SNX29: variants seen among roughly 807,000 people sequenced by gnomAD.
SNX29 encodes sorting nexin-29.
In SNX29, 78 loss-of-function variants were observed where a neutral mutation model predicts 102.1. The ratio of observed to expected loss-of-function variants is 0.76; its 90% CI spans 0.64 to 0.92. The LOEUF is 0.92. SNX29 is among the 40% of genes least tolerant of loss of function. SNX29 has a pLI of 0.00. For synonymous variants in SNX29, 580 were observed against 414.5 expected, an observed-to-expected ratio of 1.40 and a Z score of -4.85; for missense variants, 1,280 against 1,061.7, an observed-to-expected ratio of 1.21 and a Z score of -2.86.
At chr16:12,494,831 G>A (rs1429249499) in intron 19 of SNX29, among the ~76,000 whole-genome samples, 2 of 152,200 alleles carry the variant, frequency 1.3e-5, no homozygotes, top group African/African-American at 4.8e-5. Context: ...TCCGCTGTGA[G>A]CTGGGCCGCC....
intron 19 of SNX29, among the ~76,000 whole-genome samples, chr16:12,519,618 A>G (rs2090014959): frequency 6.6e-6 from 1 of 152,256 alleles, no homozygotes; most frequent in African/African-American, 2.4e-5. Context: ...TGATGACACA[A>G]ATATGGAAAA....
At chr16:12,075,350 T>C (rs2051502369) in intron 10 of SNX29, among the ~76,000 whole-genome samples, 1 of 152,216 alleles carries the variant, frequency 6.6e-6, no homozygotes. Context: ...TTGGTGTGGA[T>C]GTCTTTTCTG....
intron 18 of SNX29, among the ~76,000 whole-genome samples, chr16:12,411,778 C>T (rs943457601): frequency 6.6e-6 from 1 of 152,162 alleles, no homozygotes; most frequent in African/African-American, 2.4e-5. Context: ...GACGGGACAC[C>T]ACTCACCTTG....
chr16:12,052,146 G>T lies in SNX29; in HGVS notation c.1048G>T (p.Val350Leu), dbSNP rs760782009. ...LDVKSIDDED[V>L]DENEDDVYGN... ...TGTGAAAAGCATCGATGATGAAGAT[G>T]TGGATGAAAACGAAGATGACGTGTA... Residue 350 changes from valine (V) to leucine (L), a missense_variant, in exon 8 of 21, where the codon GTG becomes TTG. Coordinates refer to ENST00000566228, the MANE Select transcript of SNX29 (RefSeq NM_032167.5). 6.2e-7 allele frequency: 1 copy of T among 1,613,852 alleles called. No individual in the cohort carries two copies. The highest frequency in any genetic ancestry group is 8.5e-7 in the Non-Finnish European group (1 of 1,179,880).
chr16:12,502,109 C>T (rs1269913281), intron 19 of SNX29, among the ~76,000 whole-genome samples: 1 of 152,204 alleles, frequency 6.6e-6, no homozygotes, highest in Non-Finnish European at 1.5e-5. Context: ...CCGAGCTGGG[C>T]AGGCAACATG....
chr16:12,433,500 A>G (rs2085398498), intron 18 of SNX29, among the ~76,000 whole-genome samples: 2 of 151,880 alleles, frequency 1.3e-5, no homozygotes, highest in Admixed American at 6.6e-5. Context: ...GCGTGGTGGC[A>G]TATGCCTGTA....
At chr16:12,056,012 G>T (rs936941419) in intron 8 of SNX29, among the ~76,000 whole-genome samples, 1 of 152,128 alleles carries the variant, frequency 6.6e-6, no homozygotes, top group Non-Finnish European at 1.5e-5. Flanking sequence ...CTCCAGAGTA[G>T]GTGGGACTAC....
chr16:12,029,480 G>A, intron 4 of SNX29: 1 of 448,886 alleles, frequency 2.2e-6, no homozygotes. Context: ...CAAGTAGCCA[G>A]TACAGAATAC....
intron 4 of SNX29, among the ~76,000 whole-genome samples, chr16:12,036,427 C>T (rs561547535): frequency 6.0e-5 from 9 of 150,648 alleles, no homozygotes; most frequent in East Asian, 3.9e-4. Context: ...CTCCGCCTCC[C>T]GGATTCACGC....
intron 9 of SNX29, among the ~76,000 whole-genome samples, chr16:12,066,752 TG>T (rs2051056856): frequency 1.7e-5 from 1 of 58,120 alleles, no homozygotes; most frequent in Admixed American, 2.2e-4. Flanking sequence ...GATGGTGGGG[TG>T]GGGGCTGAGG....
chr16:12,042,786 A>G (rs1567556341), intron 4 of SNX29, 111 bp from the exon 5 acceptor site: 1 of 1,093,622 alleles, frequency 9.1e-7, no homozygotes, highest in East Asian at 2.5e-5. Flanking sequence ...TTTCCATGCT[A>G]AGGGGATACT....
At chr16:12,533,357 T>C (rs2076982859) in intron 20 of SNX29, among the ~76,000 whole-genome samples, 1 of 152,208 alleles carries the variant, frequency 6.6e-6, no homozygotes, top group African/African-American at 2.4e-5. Context: ...ATAGCTTAGA[T>C]GCTAAGAGGC....
chr16:12,521,852 G>A (rs1188503555), intron 19 of SNX29, among the ~76,000 whole-genome samples: 1 of 152,218 alleles, frequency 6.6e-6, no homozygotes, highest in African/African-American at 2.4e-5. Context: ...GGACAACCTT[G>A]TCTAAATATC....
At chr16:12,198,813 T>C (rs746203716) in intron 13 of SNX29, among the ~76,000 whole-genome samples, 2 of 152,244 alleles carry the variant, frequency 1.3e-5, no homozygotes, top group Non-Finnish European at 2.9e-5. Context: ...TTCTACTGAA[T>C]GAAGCATCTT....
intron 11 of SNX29, among the ~76,000 whole-genome samples, chr16:12,117,218 C>T (rs1273689301): frequency 2.7e-5 from 4 of 145,776 alleles, no homozygotes; most frequent in African/African-American, 7.9e-5. Flanking sequence ...TGGAAACAGG[C>T]ATGGTCAATA....
At chr16:12,563,487 G>A (rs888485881) in intron 20 of SNX29, among the ~76,000 whole-genome samples, 6 of 152,206 alleles carry the variant, frequency 3.9e-5, no homozygotes, top group Non-Finnish European at 7.3e-5. Context: ...AAGGAATAGG[G>A]CTATTAAAAC....
At position 12,257,747 on chromosome 16, in the gene SNX29, C is replaced by T. The variant is rs73504167; in HGVS notation, c.1679-20186C>T. On this transcript the variant is annotated intron_variant, in intron 14 of 20. Coordinates refer to ENST00000566228, the MANE Select transcript of SNX29 (RefSeq NM_032167.5). ...TTCTCTGCATTGCCTAGGCTGGTCT[C>T]GAACTCCTGATCTCAAGTAGTCCTC... 2.6e-3 allele frequency among the ~76,000 whole-genome samples: 386 copies of T among 149,436 alleles called. 2 individuals are homozygous for T. The highest frequency in any genetic ancestry group is 9.2e-3 in the African/African-American group (371 of 40,508).
Position 12,153,169 on chromosome 16 carries a change from A to G in SNX29, c.1595+23411A>G, listed in dbSNP as rs371391749. Among the ~76,000 whole-genome samples, 76 of 152,322 alleles carry G rather than the reference A, an allele frequency of 5.0e-4. 1 individual carries two copies. In the East Asian group the frequency reaches 5.4e-3, roughly 11 times the overall value. On this transcript the variant is annotated intron_variant, in intron 13 of 20. Coordinates refer to ENST00000566228, the MANE Select transcript of SNX29 (RefSeq NM_032167.5). ...TCCCATTGCTTTGGGAGGCCAAGGCAGGAAGATCGCTTGAGCCCAGGAGTT... is the reference window on the plus strand; with the variant it reads ...TCCCATTGCTTTGGGAGGCCAAGGCGGGAAGATCGCTTGAGCCCAGGAGTT...
At chr16:11,978,258 A>G (rs1006166850) in intron 1 of SNX29, among the ~76,000 whole-genome samples, 2 of 152,072 alleles carry the variant, frequency 1.3e-5, no homozygotes, top group African/African-American at 4.8e-5. Flanking sequence ...GAATGTTAGT[A>G]ATACCTCAGT....
Sources: allele counts gnomAD v4.1 joint callset (sites outside exome capture counted in the v4.1 genomes callset), GRCh38; gene constraint gnomAD v4.1.1; transcripts MANE v1.5; gene names NCBI Gene and HGNC (gene_info 2026-07-23, HGNC 2026-07-21).